Variants in FAT4 observed in about 807,000 individuals in gnomAD.
The protein encoded by FAT4 is protocadherin Fat 4.
In FAT4, 84 loss-of-function variants were observed where a neutral mutation model predicts 303.9. The ratio of observed to expected loss-of-function variants is 0.28; its 90% CI spans 0.23 to 0.33. FAT4 has a LOEUF of 0.33. FAT4 is among the 10% of genes least tolerant of loss of function. The probability of loss-of-function intolerance (pLI) is 1.00; values close to 1 mark genes in which losing one functional copy is unlikely to be tolerated. For synonymous variants in FAT4, 2,307 were observed against 2,298.8 expected (o/e 1.00, Z -0.10); for missense variants, 6,005 against 6,146.8 (o/e 0.98, Z 0.77).
At chr4:125,331,697 C>A (rs1731389611) in intron 2 of FAT4, among the ~76,000 whole-genome samples, 1 of 152,130 alleles carries the variant, frequency 6.6e-6, no homozygotes, top group Non-Finnish European at 1.5e-5. Flanking sequence ...TTATCGTAAA[C>A]CATGTTGTTC....
chr4:125,399,783 A>T (rs1052174271), intron 3 of FAT4, among the ~76,000 whole-genome samples: 55 of 152,144 alleles, frequency 3.6e-4, no homozygotes, highest in South Asian at 8.3e-4. Flanking sequence ...AAGCATACAC[A>T]TTTAGGTAAT....
chr4:125,336,474 C>G (rs967882078), intron 2 of FAT4, among the ~76,000 whole-genome samples: 1 of 151,896 alleles, frequency 6.6e-6, no homozygotes, highest in Non-Finnish European at 1.5e-5. Context: ...AAAAATATAA[C>G]CTTTGTTAAA....
At chr4:125,489,532 A>G (rs1257392315) in intron 17 of FAT4, among the ~76,000 whole-genome samples, 2 of 152,210 alleles carry the variant, frequency 1.3e-5, no homozygotes, top group Admixed American at 6.5e-5. Flanking sequence ...TAAAAAATAT[A>G]TATTTTATTT....
At chr4:125,392,729 T>C (rs1734020573) in intron 2 of FAT4, among the ~76,000 whole-genome samples, 1 of 152,176 alleles carries the variant, frequency 6.6e-6, no homozygotes, top group Non-Finnish European at 1.5e-5. Context: ...GAATAAAATG[T>C]TTTTTAAAGT....
rs368166167 is a variant in FAT4 at position 125,491,249 on chromosome 4, C to G, written c.14433C>G (p.Asp4811Glu). ...GAAACCCAAGTATCTGCAGTGCAGA[C>G]CATGGGAGGTCTTCTTCAGAGGAGG... ...RPRNPSICSA[D>E]HGRSSSEEDC... The change falls in exon 18 of 18, where the codon GAC becomes GAG. Residue 4811 changes from aspartate (D) to glutamate (E), a missense_variant. Asp to Glu is a conservative substitution (Grantham distance 45, BLOSUM62 2). Transcript: ENST00000394329. 120 of 1,614,102 alleles carry G rather than the reference C, an allele frequency of 7.4e-5. No individual in the cohort carries two copies. The highest frequency in any genetic ancestry group is 1.0e-4 in the Non-Finnish European group (119 of 1,180,018).
chr4:125,403,023 T>A (rs1390733206), intron 3 of FAT4, among the ~76,000 whole-genome samples: 1 of 152,020 alleles, frequency 6.6e-6, no homozygotes, highest in Non-Finnish European at 1.5e-5. Context: ...TCTAGTTATA[T>A]TTTGATTTAA....
In FAT4 at chr4:125,487,473, A is replaced by C; in HGVS notation, c.12951A>C (p.Ala4317=). 6.2e-7 allele frequency: 1 copy of C among 1,614,116 alleles called. No individual in the cohort carries two copies. Among genetic ancestry groups the C allele is most frequent in the Non-Finnish European group, 8.5e-7 (1 of 1,179,992 alleles). The change falls in exon 17 of 18, where the codon GCA becomes GCC. Residue 4317 remains alanine, a synonymous_variant. Coordinates refer to ENST00000394329, the MANE Select transcript of FAT4 (RefSeq NM_001291303.3). ...HTFLIGKNGT[A]TVLSVDRIYN... ...TTCTAATTGGGAAAAATGGAACAGC[A>C]ACAGTATTGTCTGTTGACAGAATAT...
rs1268517214 is a variant in FAT4, at chr4:125,481,555, C to T, written c.12639C>T (p.Gly4213=). The change falls in exon 16 of 18, where the codon GGC becomes GGT. Residue 4213 remains glycine (G), a synonymous_variant. Coordinates refer to ENST00000394329, the MANE Select transcript of FAT4 (RefSeq NM_001291303.3). ...CTGACACTGCCTTATCATTAGAAGGCAAAGGGCGCTTGGACTACCACATGA... is the reference window on the plus strand; with the variant it reads ...CTGACACTGCCTTATCATTAGAAGGTAAAGGGCGCTTGGACTACCACATGA... ...VTPDTALSLE[G]KGRLDYHMSQ... 2 of 1,613,992 alleles carry T rather than the reference C, an allele frequency of 1.2e-6. No individual in the cohort carries two copies. Among genetic ancestry groups the T allele is most frequent in the Admixed American group, 3.3e-5 (2 of 59,998 alleles).
At chr4:125,394,120 AG>A in intron 2 of FAT4, 1 of 602,034 alleles carries the variant, frequency 1.7e-6, no homozygotes, top group Non-Finnish European at 3.1e-6. Context: ...GTAGGCATGC[AG>A]AAAACATGGA....
At position 125,478,243 on chromosome 4, in the gene FAT4, A is replaced by G. The variant is rs370994425; in HGVS notation, c.12479+909A>G. ...TTTCTATTTGCCTTTCTTTTCCTAC[A>G]TGTTGTTACTGTTTTGTTACAAAGT... On this transcript the variant is annotated intron_variant, in intron 14 of 17. Coordinates refer to ENST00000394329, the MANE Select transcript of FAT4 (RefSeq NM_001291303.3). 3.9e-5 allele frequency among the ~76,000 whole-genome samples: 6 copies of G among 152,092 alleles called. No homozygotes were observed. In the East Asian group the frequency reaches 5.8e-4, roughly 15 times the overall value.
intron 12 of FAT4, among the ~76,000 whole-genome samples, chr4:125,471,888 AAAAATAC>A (rs1726869362): frequency 3.3e-5 from 3 of 91,402 alleles, no homozygotes; most frequent in Non-Finnish European, 6.4e-5. Flanking sequence ...TGTCTCTACT[AAAAATAC>A]AAAAAAAAAA....
chr4:125,377,504 T>C (rs1257434685), intron 2 of FAT4, among the ~76,000 whole-genome samples: 1 of 152,122 alleles, frequency 6.6e-6, no homozygotes, highest in East Asian at 1.9e-4. Context: ...TTGCTAAGAT[T>C]TGCTTAAATG....
At chr4:125,489,491 C>A (rs1012493795) in intron 17 of FAT4, among the ~76,000 whole-genome samples, 1 of 152,034 alleles carries the variant, frequency 6.6e-6, no homozygotes, top group Non-Finnish European at 1.5e-5. Context: ...GTAGTTGAAG[C>A]CATTGGCCTA....
intron 10 of FAT4, among the ~76,000 whole-genome samples, chr4:125,459,819 AC>A (rs1392198137): frequency 6.6e-6 from 1 of 152,114 alleles, no homozygotes; most frequent in Non-Finnish European, 1.5e-5. Context: ...AGATTATTGT[AC>A]CAAGAGCATG....
At chr4:125,466,798 G>A (rs966504622) in intron 11 of FAT4, among the ~76,000 whole-genome samples, 13 of 143,328 alleles carry the variant, frequency 9.1e-5, no homozygotes, top group South Asian at 2.2e-4. Context: ...TTTTTGAGAC[G>A]GAGTCTCGCT....
At chr4:125,460,453 A>G (rs147066116) in intron 10 of FAT4, among the ~76,000 whole-genome samples, 15 of 152,010 alleles carry the variant, frequency 9.9e-5, no homozygotes, top group African/African-American at 3.4e-4. Context: ...ACCCTCCAGT[A>G]GACCCCAGTG....
chr4:125,320,954 G>A lies in FAT4; in HGVS notation c.4543G>A (p.Val1515Met), dbSNP rs773912269. 35 of 1,614,084 alleles carry A rather than the reference G, an allele frequency of 2.2e-5. No individual in the cohort carries two copies. The highest frequency in any genetic ancestry group is 4.5e-5 in the East Asian group (2 of 44,900). ...IETRRYALKN[V>M]TILVTDLNDN... is the part of the protein sequence containing the mutation. Reference sequence around the variant, plus strand: ...AACTAGACGGTATGCTTTGAAGAACGTGACCATTTTGGTTACAGACCTCAA... The same window carrying A: ...AACTAGACGGTATGCTTTGAAGAACATGACCATTTTGGTTACAGACCTCAA... The change falls in exon 2 of 18, where the codon GTG becomes ATG. Residue 1515 changes from valine to methionine, a missense_variant. Transcript: ENST00000394329.
At chr4:125,335,680 GGAGGAGTTCTATTTATTATTCTT>G (rs1731544915) in intron 2 of FAT4, among the ~76,000 whole-genome samples, 1 of 149,830 alleles carries the variant, frequency 6.7e-6, no homozygotes, top group Non-Finnish European at 1.5e-5. Flanking sequence ...TTTTTTTTCT[GGAGGAGTTCTATTTATTATTCTT>G]GAGTACATCT....
chr4:125,432,160 C>T (rs921388892), intron 7 of FAT4, among the ~76,000 whole-genome samples: 1 of 152,108 alleles, frequency 6.6e-6, no homozygotes, highest in African/African-American at 2.4e-5. Context: ...GACAGAGCTG[C>T]TTGTCCAGAC....
Sources: gnomAD v4.1 joint callset for allele counts (sites outside exome capture counted in the v4.1 genomes callset) on GRCh38, gnomAD v4.1.1 for gene constraint, MANE v1.5 for transcripts, NCBI Gene and HGNC (gene_info 2026-07-23, HGNC 2026-07-21) for gene names.